Variants in MRC2 observed in about 807,000 individuals in gnomAD.
MRC2 encodes C-type mannose receptor 2.
Under a neutral mutation model 206.2 loss-of-function variants are expected in MRC2, and 84 were observed. The ratio of observed to expected loss-of-function variants is 0.41; its 90% confidence interval spans 0.34 to 0.49. MRC2 has a LOEUF of 0.49. MRC2 is among the 20% of genes least tolerant of loss of function. The pLI is 0.31. For missense variants in MRC2, 1,676 were observed against 2,001.5 expected (o/e 0.84, Z 3.10); for synonymous variants, 798 against 800.0 (o/e 1.00, Z 0.04).
rs372012484 is a variant in MRC2, at chr17:62,664,022, G to A, written c.119-526G>A. ...TCGCCCAGGCTGGAGTGCAGTGGCG[G>A]GATCTCGGCTCACTGCAAGCTCCGC... On this transcript the variant is annotated intron_variant, in intron 1 of 29. Coordinates refer to ENST00000303375, the MANE Select transcript of MRC2 (RefSeq NM_006039.5). The surrounding 1 kb of genome is among the most constrained non-coding windows in gnomAD (Gnocchi z 4.7). 9.4e-5 allele frequency among the ~76,000 whole-genome samples: 14 copies of A among 148,974 alleles called. No individual in the cohort carries two copies. Among genetic ancestry groups the A allele is most frequent in the Non-Finnish European group, 1.8e-4 (12 of 67,148 alleles).
In MRC2 at chr17:62,689,608, C is replaced by T; in HGVS notation, c.3421C>T (p.Gln1141Ter). Reference sequence around the variant, plus strand: ...CCTCAACGGCACCTTCCGGCTGCTTCAGAAGCCGCTGCGCTGGCACGATGC... The same window carrying T: ...CCTCAACGGCACCTTCCGGCTGCTTTAGAAGCCGCTGCGCTGGCACGATGC... The part of the protein sequence containing the change: ...SYLNGTFRLL[Q>*]KPLRWHDALL... Residue 1141 changes from glutamine (Q) to a stop codon, truncating the protein, a stop_gained, in exon 24 of 30, where the codon CAG becomes TAG. Coordinates refer to ENST00000303375, the MANE Select transcript of MRC2 (RefSeq NM_006039.5). LOFTEE classifies it high-confidence loss of function. 1 of 1,603,976 alleles carries T rather than the reference C, an allele frequency of 6.2e-7. No individual in the cohort carries two copies. Among genetic ancestry groups the T allele is most frequent in the Non-Finnish European group, 8.5e-7 (1 of 1,175,800 alleles).
At position 62,627,881 on chromosome 17, in the gene MRC2, C is replaced by T. The variant is rs1033542221; in HGVS notation, c.79C>T (p.Leu27Phe). ...CGTCCTGCTCCTCGGGTGCCTGCAC[C>T]TCGGCCGTCCCGGCGCCCCTGGGGA... The part of the protein sequence containing the change: ...RCVLLLGCLH[L>F]GRPGAPGDAA... Residue 27 changes from leucine (L) to phenylalanine (F), a missense_variant, in exon 1 of 30, where the codon CTC becomes TTC. Leu to Phe is a conservative substitution (Grantham distance 22). Coordinates refer to ENST00000303375, the MANE Select transcript of MRC2 (RefSeq NM_006039.5). 1 of 1,473,504 alleles carries T rather than the reference C, an allele frequency of 6.8e-7. No individual in the cohort carries two copies. The highest frequency in any genetic ancestry group is 8.9e-7 in the Non-Finnish European group (1 of 1,119,010). 91.3% of individuals were successfully genotyped at this position (1,473,504 alleles called of 1,614,324 possible). A position where few individuals can be genotyped will look rare whatever the true frequency, so the allele number is the denominator to read the frequency against.
chr17:62,651,016 G>A (rs188585286), intron 1 of MRC2, among the ~76,000 whole-genome samples: 45 of 151,776 alleles, frequency 3.0e-4, no homozygotes, highest in Middle Eastern at 6.9e-3. Flanking sequence ...TCAGTTTCCC[G>A]TTCTAAACGA....
chr17:62,672,133 G>A lies in MRC2; in HGVS notation c.1442G>A (p.Cys481Tyr). 1 of 1,614,070 alleles carries A rather than the reference G, an allele frequency of 6.2e-7. No individual in the cohort carries two copies. The highest frequency in any genetic ancestry group is 8.5e-7 in the Non-Finnish European group (1 of 1,180,030). Residue 481 changes from cysteine to tyrosine, a missense_variant, in exon 8 of 30, where the codon TGT becomes TAT. Around this residue, in one of 3 missense-constraint regions of MRC2, gnomAD observed 1,354 missense variants for 1,636.6 expected, o/e 0.83. Transcript: ENST00000303375. This position sits in a 1 kb window ranked among gnomAD's most constrained non-coding sequence, Gnocchi z 4.5. The part of the protein sequence containing the change: ...PNNFRDSLED[C>Y]VTIWGPEGRW... ...AACTTCCGGGACAGTCTGGAGGACT[G>A]TGTCACCATCTGGGGCCCGGTGAGA... is the stretch of plus-strand genomic sequence containing the variant.
intron 1 of MRC2, among the ~76,000 whole-genome samples, chr17:62,660,337 C>T (rs1331017505): frequency 2.6e-5 from 4 of 152,100 alleles, no homozygotes; most frequent in African/African-American, 9.7e-5. Flanking sequence ...AAGCAAGGAG[C>T]CATAGAAATT....
intron 1 of MRC2, among the ~76,000 whole-genome samples, chr17:62,642,310 T>A (rs891281848): frequency 1.3e-5 from 2 of 152,218 alleles, no homozygotes; most frequent in Admixed American, 6.5e-5. Context: ...CCTGGATTCA[T>A]ATTAAACGTT....
intron 25 of MRC2, 43 bp from the exon 26 acceptor site, chr17:62,690,113 C>T (rs371879314): frequency 1.6e-5 from 25 of 1,581,230 alleles, no homozygotes; most frequent in Middle Eastern, 1.7e-4. Context: ...TCGGTGGCCC[C>T]GGGGAGGGTG....
intron 1 of MRC2, among the ~76,000 whole-genome samples, chr17:62,637,895 A>G (rs916499765): frequency 6.6e-6 from 1 of 152,140 alleles, no homozygotes; most frequent in Admixed American, 6.6e-5. Context: ...TTTGTTTGAA[A>G]CAGGGTCTTG....
Position 62,679,830 on chromosome 17 carries a change from C to T in MRC2, c.2226C>T (p.His742=). ...CAGAACCCGAGATCCACGAGCAGCA[C>T]TGGTTCTGGATCGGCCTGAACCGTC... The part of the protein sequence containing the change: ...GESEPEIHEQ[H]WFWIGLNRRD... The change falls in exon 14 of 30, where the codon CAC becomes CAT. Residue 742 remains histidine (H), a synonymous_variant. Transcript: ENST00000303375. The T allele has an allele frequency of 6.2e-7, 1 of 1,614,056 alleles. No homozygotes were observed. Among genetic ancestry groups the T allele is most frequent in the Non-Finnish European group, 8.5e-7 (1 of 1,180,022 alleles).
At chr17:62,673,817 C>G (rs759074665) in intron 8 of MRC2, among the ~76,000 whole-genome samples, 3 of 152,242 alleles carry the variant, frequency 2.0e-5, no homozygotes, top group Non-Finnish European at 4.4e-5. Context: ...GCCAGGATGC[C>G]TTTCCCATTT....
chr17:62,678,581 G>C lies in MRC2; in HGVS notation c.2130G>C (p.Gln710His). ...GGGCCTGCCAGGAGCTGGGGGCCCAGCTGCTGAGCCTGGCCAGCTACGAGG... is the reference window on the plus strand; with the variant it reads ...GGGCCTGCCAGGAGCTGGGGGCCCACCTGCTGAGCCTGGCCAGCTACGAGG... ...AQGACQELGAQLLSLASYEEE... is the reference protein window; with the variant it reads ...AQGACQELGAHLLSLASYEEE... Residue 710 changes from glutamine to histidine, a missense_variant, in exon 13 of 30, where the codon CAG becomes CAC. Gln to His is a conservative substitution (Grantham distance 24, BLOSUM62 0). This residue lies in a region of MRC2 where 1,354 missense variants were observed against 1,636.6 expected (regional missense o/e 0.83). Transcript: ENST00000303375. 6.2e-7 allele frequency: 1 copy of C among 1,609,140 alleles called. No individual in the cohort carries two copies. Among genetic ancestry groups the C allele is most frequent in the Non-Finnish European group, 8.5e-7 (1 of 1,178,772 alleles).
chr17:62,667,385 C>G lies in MRC2; in HGVS notation c.974-5C>G. Reference sequence around the variant, plus strand: ...GGGGGTGCTGGCGCCCTGCCCTCCCCACAGACCAGCCGGACAACCCCAGTG... The same window carrying G: ...GGGGGTGCTGGCGCCCTGCCCTCCCGACAGACCAGCCGGACAACCCCAGTG... On this transcript the variant is annotated splice_region_variant and splice_polypyrimidine_tract_variant and intron_variant, in intron 5 of 29. Transcript: ENST00000303375. The surrounding 1 kb of genome is among the most constrained non-coding windows in gnomAD (Gnocchi z 4.1). 1.9e-6 allele frequency: 3 copies of G among 1,593,604 alleles called. No homozygotes were observed. The highest frequency in any genetic ancestry group is 4.6e-5 in the East Asian group (2 of 43,802).
chr17:62,655,883 G>A (rs1448644619), intron 1 of MRC2, among the ~76,000 whole-genome samples: 1 of 152,042 alleles, frequency 6.6e-6, no homozygotes, highest in Non-Finnish European at 1.5e-5. Context: ...AGCCTCTCCA[G>A]CTTCATTATA....
intron 20 of MRC2, among the ~76,000 whole-genome samples, chr17:62,685,527 A>G (rs574540528): frequency 8.2e-4 from 124 of 152,114 alleles, no homozygotes; most frequent in African/African-American, 2.9e-3. Context: ...TGCCCTGTGG[A>G]AAGTTCTGTT....
In MRC2 at chr17:62,666,362, TC is replaced by T. The variant is rs2088754907; in HGVS notation, c.695-89del. 6.9e-6 allele frequency: 11 copies of T among 1,588,654 alleles called. No individual in the cohort carries two copies. Among genetic ancestry groups the T allele is most frequent in the Non-Finnish European group, 9.4e-6 (11 of 1,169,422 alleles). ...GGGCCCAGGGTGAGATACTGCCCCC[TC>T]CCCTACCTAGTGTAGCCTTTTGGTG... On this transcript the variant is annotated intron_variant, in intron 3 of 29. Coordinates refer to ENST00000303375, the MANE Select transcript of MRC2 (RefSeq NM_006039.5). This position sits in a 1 kb window ranked among gnomAD's most constrained non-coding sequence, Gnocchi z 5.0.
chr17:62,653,979 G>C (rs2088588623), intron 1 of MRC2, among the ~76,000 whole-genome samples: 1 of 152,162 alleles, frequency 6.6e-6, no homozygotes, highest in South Asian at 2.1e-4. Flanking sequence ...TGGGTCCCCA[G>C]GGTTGGCCTC....
chr17:62,688,559 C>T lies in MRC2; in HGVS notation c.3120C>T (p.Ala1040=). 6.2e-7 allele frequency: 1 copy of T among 1,614,262 alleles called. No individual in the cohort carries two copies. Among genetic ancestry groups the T allele is most frequent in the Non-Finnish European group, 8.5e-7 (1 of 1,180,046 alleles). Residue 1040 remains alanine (A), a synonymous_variant, in exon 22 of 30, where the codon GCC becomes GCT. Coordinates refer to ENST00000303375, the MANE Select transcript of MRC2 (RefSeq NM_006039.5). ...TTGACCTTTGGATTGGCCTCCATGC[C>T]TCGCAGAGGGACTTCCAGTGGGTGG... ...VTFDLWIGLH[A]SQRDFQWVEQ...
intron 1 of MRC2, among the ~76,000 whole-genome samples, chr17:62,655,706 G>A (rs2088610322): frequency 7.8e-6 from 1 of 127,796 alleles, no homozygotes; most frequent in African/African-American, 3.0e-5. Context: ...ACAACAGAAC[G>A]AAACTCTGTC....
chr17:62,668,367 T>A (rs1426455997), intron 6 of MRC2, among the ~76,000 whole-genome samples: 1,341 of 111,502 alleles, frequency 0.012, 28 homozygotes, highest in African/African-American at 0.041. Context: ...AAAAAATAAA[T>A]AAATAAATAA....
Sources: gnomAD v4.1 joint callset for allele counts (sites outside exome capture counted in the v4.1 genomes callset) on GRCh38, gnomAD v4.1.1 for gene constraint, gnomAD v4.1.1 regional missense constraint, Gnocchi (gnomAD v3.1) non-coding constraint, MANE v1.5 for transcripts, NCBI Gene and HGNC (gene_info 2026-07-23, HGNC 2026-07-21) for gene names.